The following KCTD8 variants were observed in gnomAD, a reference collection of about 807,000 sequenced individuals.
The protein encoded by KCTD8 is potassium channel tetramerization domain containing 8.
Under a neutral mutation model 31.5 loss-of-function variants are expected in KCTD8, and 27 were observed. The ratio of observed to expected loss-of-function variants is 0.86; its 90% CI spans 0.63 to 1.18. The LOEUF is 1.18. Ranked by LOEUF, KCTD8 falls within the 50% of genes most tolerant of loss-of-function variation. The pLI is 0.00. For synonymous variants in KCTD8, 290 were observed against 280.0 expected (o/e 1.04, Z -0.36); for missense variants, 658 against 647.7 (o/e 1.02, Z -0.17).
intron 1 of KCTD8, among the ~76,000 whole-genome samples, chr4:44,241,241 T>C (rs1280199511): frequency 6.6e-6 from 1 of 152,240 alleles, no homozygotes; most frequent in East Asian, 1.9e-4. Flanking sequence ...GTACACTTCA[T>C]AAAAATTTGA....
At position 44,448,651 on chromosome 4, in the gene KCTD8, G is replaced by C. The variant is rs548935029; in HGVS notation, c.-128C>G. The C allele has an allele frequency of 1.2e-3, 1,223 of 1,055,956 alleles. 6 individuals are homozygous for C. In the African/African-American group the frequency reaches 0.012, roughly 10 times the overall value. The allele number at this position is 1,055,956 out of a possible 1,614,324, so 65.4% of individuals were successfully genotyped here. ...GACTGGGCGGCGCGTTCCTCCGACC[G>C]GGGCGGCCCCGCTCAGGGTTCGGGG... On this transcript the variant is annotated 5_prime_UTR_variant, in exon 1 of 2. Coordinates refer to ENST00000360029, the MANE Select transcript of KCTD8 (RefSeq NM_198353.3). This position sits in a 1 kb window ranked among gnomAD's most constrained non-coding sequence, Gnocchi z 4.1.
intron 1 of KCTD8, among the ~76,000 whole-genome samples, chr4:44,348,038 C>T (rs552666494): frequency 1.3e-5 from 2 of 152,128 alleles, no homozygotes; most frequent in South Asian, 4.2e-4. Context: ...AAATTATAGC[C>T]CAATTTTGCT....
intron 1 of KCTD8, among the ~76,000 whole-genome samples, chr4:44,338,419 C>T (rs1463321309): frequency 6.6e-6 from 1 of 152,082 alleles, no homozygotes; most frequent in African/African-American, 2.4e-5. Context: ...TCTAGGAAAA[C>T]TATTCAGTAA....
At chr4:44,205,669 G>T (rs1288460739) in intron 1 of KCTD8, among the ~76,000 whole-genome samples, 1 of 152,200 alleles carries the variant, frequency 6.6e-6, no homozygotes, top group African/African-American at 2.4e-5. Context: ...TTAAGGAGAA[G>T]TAACGAACTA....
intron 1 of KCTD8, among the ~76,000 whole-genome samples, chr4:44,240,436 T>A (rs573927432): frequency 6.6e-6 from 1 of 152,320 alleles, no homozygotes; most frequent in Non-Finnish European, 1.5e-5. Flanking sequence ...CTAGGCATGT[T>A]TTCAATGTAC....
At chr4:44,250,345 C>T (rs1715790786) in intron 1 of KCTD8, among the ~76,000 whole-genome samples, 1 of 151,622 alleles carries the variant, frequency 6.6e-6, no homozygotes, top group African/African-American at 2.4e-5. Context: ...TAATGAAATC[C>T]CATTGTTGTT....
At chr4:44,281,033 C>G (rs1005829499) in intron 1 of KCTD8, among the ~76,000 whole-genome samples, 3 of 151,900 alleles carry the variant, frequency 2.0e-5, no homozygotes, top group African/African-American at 7.3e-5. Context: ...ATTCCTGGAT[C>G]CAGCTATCTG....
intron 1 of KCTD8, among the ~76,000 whole-genome samples, chr4:44,246,379 C>T (rs1318453141): frequency 6.6e-6 from 1 of 151,904 alleles, no homozygotes; most frequent in Non-Finnish European, 1.5e-5. Flanking sequence ...CTTCTTGTTT[C>T]CTATTAGTCC....
intron 1 of KCTD8, among the ~76,000 whole-genome samples, chr4:44,266,117 G>A: frequency 6.6e-6 from 1 of 152,000 alleles, no homozygotes; most frequent in East Asian, 1.9e-4. Context: ...TGAAATGAAG[G>A]AAAAAATGTT....
At chr4:44,413,163 A>G (rs1560448822) in intron 1 of KCTD8, among the ~76,000 whole-genome samples, 1 of 152,222 alleles carries the variant, frequency 6.6e-6, no homozygotes, top group Non-Finnish European at 1.5e-5. Context: ...ATATTGCATC[A>G]ATATATGCAA....
At chr4:44,268,557 G>A (rs977466111) in intron 1 of KCTD8, among the ~76,000 whole-genome samples, 5 of 152,138 alleles carry the variant, frequency 3.3e-5, no homozygotes, top group African/African-American at 4.8e-5. Context: ...AATTAGGCAG[G>A]AGAAGGAAAT....
chr4:44,320,003 C>T (rs1159787940), intron 1 of KCTD8, among the ~76,000 whole-genome samples: 2 of 151,576 alleles, frequency 1.3e-5, no homozygotes, highest in African/African-American at 4.8e-5. Flanking sequence ...GAAACCCCGT[C>T]TCTACTAAAA....
chr4:44,378,924 C>G (rs1719989581), intron 1 of KCTD8, among the ~76,000 whole-genome samples: 1 of 152,096 alleles, frequency 6.6e-6, no homozygotes, highest in African/African-American at 2.4e-5. Flanking sequence ...ACAGGAGAAT[C>G]TGTTTCCTTT....
intron 1 of KCTD8, among the ~76,000 whole-genome samples, chr4:44,315,467 C>G (rs1023545413): frequency 6.6e-6 from 1 of 152,062 alleles, no homozygotes; most frequent in Non-Finnish European, 1.5e-5. Context: ...TTAGATTGAA[C>G]CCATACAGAT....
intron 1 of KCTD8, among the ~76,000 whole-genome samples, chr4:44,345,625 A>C (rs1719015981): frequency 6.6e-6 from 1 of 152,188 alleles, no homozygotes; most frequent in Admixed American, 6.6e-5. Flanking sequence ...TAAAAAATCA[A>C]AAAGTTTATA....
intron 1 of KCTD8, among the ~76,000 whole-genome samples, chr4:44,235,394 G>T (rs1715245786): frequency 6.8e-6 from 1 of 148,088 alleles, no homozygotes; most frequent in Non-Finnish European, 1.5e-5. Context: ...GATAGGTAGA[G>T]ATATAGATAT....
chr4:44,224,612 T>G (rs1295088209), intron 1 of KCTD8, among the ~76,000 whole-genome samples: 3 of 152,244 alleles, frequency 2.0e-5, no homozygotes, highest in Admixed American at 2.0e-4. Context: ...CCCTTCATTC[T>G]GCCCCCATCT....
At chr4:44,240,071 G>A (rs906905032) in intron 1 of KCTD8, among the ~76,000 whole-genome samples, 7 of 152,178 alleles carry the variant, frequency 4.6e-5, no homozygotes, top group East Asian at 1.9e-4. Flanking sequence ...GTCATTTATC[G>A]GGACCCACTG....
At chr4:44,362,708 G>T (rs1035696857) in intron 1 of KCTD8, among the ~76,000 whole-genome samples, 7 of 150,986 alleles carry the variant, frequency 4.6e-5, no homozygotes, top group African/African-American at 1.7e-4. Flanking sequence ...GCTTCTTTAT[G>T]AATTATAAAG....
Sources: allele counts gnomAD v4.1 joint callset (sites outside exome capture counted in the v4.1 genomes callset), GRCh38; gene constraint gnomAD v4.1.1; non-coding constraint Gnocchi (gnomAD v3.1); transcripts MANE v1.5; gene names NCBI Gene and HGNC (gene_info 2026-07-23, HGNC 2026-07-21).